The following AVIL variants were observed in gnomAD, a reference collection of about 807,000 sequenced individuals.
AVIL encodes the protein advillin.
In AVIL, 78 loss-of-function variants were observed where a neutral mutation model predicts 109.9. That is an observed-to-expected ratio of 0.71 (90% CI 0.59 to 0.86). The LOEUF is 0.86. Among genes scored for constraint, AVIL ranks in the 40% least tolerant of loss-of-function variants. The probability of loss-of-function intolerance (pLI) is 0.00; values close to 1 mark genes in which losing one functional copy is unlikely to be tolerated. For missense variants in AVIL, 892 were observed against 1,016.5 expected (o/e 0.88, Z 1.67); for synonymous variants, 367 against 379.1 (o/e 0.97, Z 0.37).
chr12:57,797,925 C>T lies in AVIL; in HGVS notation c.2417G>A (p.Gly806Asp). 6.2e-7 allele frequency: 1 copy of T among 1,611,792 alleles called. No individual in the cohort carries two copies. Among genetic ancestry groups the T allele is most frequent in the East Asian group, 2.2e-5 (1 of 44,746 alleles). The part of the protein sequence containing the change: ...ITRGQFAALP[G>D]WKQLQMKKEK... ...TTTCTTCATTTGGAGCTGTTTCCAG[C>T]CAGGCAGAGCTGCAAATTGCCCTCT... The change falls in exon 20 of 20, where the codon GGC becomes GAC. Residue 806 changes from glycine (G) to aspartate (D), a missense_variant. Gly to Asp is a moderately conservative substitution (Grantham distance 94, BLOSUM62 -1). Transcript: ENST00000549994.
chr12:57,811,014 C>A lies in AVIL; in HGVS notation c.447+5G>T. The A allele has an allele frequency of 2.5e-6, 4 of 1,614,214 alleles. No individual in the cohort carries two copies. The highest frequency in any genetic ancestry group is 3.4e-6 in the Non-Finnish European group (4 of 1,180,022). On this transcript the variant is annotated splice_donor_5th_base_variant and intron_variant, in intron 5 of 19. Transcript: ENST00000549994. The stretch of plus-strand genomic sequence containing the variant: ...GGCCTGGGGCAGAGAGTGTGCAGGA[C>A]TAACCTCGGTAGCCCTGATGTTTCT...
chr12:57,814,676 C>A, intron 2 of AVIL: 1 of 164,278 alleles, frequency 6.1e-6, no homozygotes, highest in Non-Finnish European at 1.3e-5. Flanking sequence ...TTCTGTGGGG[C>A]CGTGGGAGGT....
At chr12:57,816,905 C>T (rs1047763576) in intron 1 of AVIL, among the ~76,000 whole-genome samples, 1 of 151,958 alleles carries the variant, frequency 6.6e-6, no homozygotes, top group African/African-American at 2.4e-5. Flanking sequence ...TTTTCCCTCC[C>T]ACACAGACCC....
chr12:57,803,886 G>A (rs2140443293), intron 14 of AVIL: 1 of 483,874 alleles, frequency 2.1e-6, no homozygotes, highest in Middle Eastern at 5.6e-4. Flanking sequence ...AACCCACAGT[G>A]GGTGTTGGCA....
chr12:57,807,330 C>A lies in AVIL; in HGVS notation c.1491+1G>T, dbSNP rs1349957647. The A allele has an allele frequency of 1.9e-6, 3 of 1,614,198 alleles. No individual in the cohort carries two copies. The East Asian group carries it at 6.7e-5, about 36-fold the overall frequency. On this transcript the variant is annotated splice_donor_variant, in intron 13 of 19. Transcript: ENST00000549994. LOFTEE classifies it high-confidence loss of function. The stretch of plus-strand genomic sequence containing the variant: ...GTGTAATTTTATCAGAGCATCCTCA[C>A]CTCAAAGATAACTAGCTTCCCTTTG...
At position 57,814,359 on chromosome 12, in the gene AVIL, A is replaced by T. The variant is rs369742848; in HGVS notation, c.67-133T>A. 129 of 870,642 alleles carry T rather than the reference A, an allele frequency of 1.5e-4. 1 individual carries two copies. In the African/African-American group the frequency reaches 2.1e-3, roughly 14 times the overall value. 53.9% of individuals were successfully genotyped at this position (870,642 alleles called of 1,614,324 possible). A position where few individuals can be genotyped will look rare whatever the true frequency, so the allele number is the denominator to read the frequency against. On this transcript the variant is annotated intron_variant, in intron 2 of 19. Coordinates refer to ENST00000549994, the MANE Select transcript of AVIL (RefSeq NM_006576.4). ...GAGATGTTCTCAATGACCTTACAGG[A>T]TGTGAGGCTGCCAGCCACAGGGTTA...
intron 2 of AVIL, 178 bp downstream of exon 2, chr12:57,815,797 C>G (rs776202822): frequency 1.1e-5 from 17 of 1,485,022 alleles, no homozygotes; most frequent in Non-Finnish European, 1.5e-5. Context: ...CTGCCAACCA[C>G]CTGCTTTGAG....
chr12:57,803,307 T>C lies in AVIL; in HGVS notation c.1902A>G (p.Thr634=). ...GGTTCAGGTCATCCTGGGTGAAGTC[T>C]GTGATCTCAGTGACAACGAATTGGC... ...KTGQFVVTEI[T]DFTQDDLNPT... is the part of the protein sequence containing the mutation. The change falls in exon 16 of 20, where the codon ACA becomes ACG. Residue 634 remains threonine, a synonymous_variant. Transcript: ENST00000549994. The C allele has an allele frequency of 1.9e-6, 3 of 1,614,192 alleles. No homozygotes were observed. The highest frequency in any genetic ancestry group is 2.5e-6 in the Non-Finnish European group (3 of 1,180,024).
intron 1 of AVIL, among the ~76,000 whole-genome samples, chr12:57,818,182 C>CTGTTTTTTTTTTT (rs1956119948): frequency 2.8e-5 from 1 of 35,256 alleles, no homozygotes; most frequent in Admixed American, 5.4e-4. Flanking sequence ...CCATGCTTGG[C>CTGTTTTTTTTTTT]TTTTTTTTTT....
intron 1 of AVIL, among the ~76,000 whole-genome samples, chr12:57,817,433 G>T (rs185573058): frequency 6.6e-6 from 1 of 151,408 alleles, no homozygotes; most frequent in East Asian, 1.9e-4. Flanking sequence ...GCTGTAGCAG[G>T]ACTAAAGCAA....
intron 14 of AVIL, chr12:57,804,102 A>G (rs1955903774): frequency 6.4e-6 from 1 of 155,996 alleles, no homozygotes; most frequent in East Asian, 1.9e-4. Flanking sequence ...GTCCGTCCCA[A>G]AATTATCTGG....
In AVIL at chr12:57,797,972, A is replaced by G. The variant is rs1955769579; in HGVS notation, c.2370T>C (p.Phe790=). Reference sequence around the variant, plus strand: ...CTCTTGTGATGCCAAACACAGACACAAAGTCCTGTTCAGAGAGGTAATTCT... The same window carrying G: ...CTCTTGTGATGCCAAACACAGACACGAAGTCCTGTTCAGAGAGGTAATTCT... The part of the protein sequence containing the change: ...KKENYLSEQD[F]VSVFGITRGQ... The change falls in exon 20 of 20, where the codon TTT becomes TTC. Residue 790 remains phenylalanine, a synonymous_variant. Transcript: ENST00000549994. 1.2e-6 allele frequency: 2 copies of G among 1,612,862 alleles called. No individual in the cohort carries two copies. Among genetic ancestry groups the G allele is most frequent in the East Asian group, 2.2e-5 (1 of 44,822 alleles).
rs774822420 is a variant in AVIL at position 57,810,427 on chromosome 12, C to T, written c.683G>A (p.Gly228Asp). The T allele has an allele frequency of 1.9e-6, 3 of 1,614,086 alleles. No individual in the cohort carries two copies. Among genetic ancestry groups the T allele is most frequent in the Admixed American group, 1.7e-5 (1 of 59,998 alleles). ...ELMKVLQDTL[G>D]RRSIIKPTVP... ...TGTAGGCTTGATAATGGAGCGTCGGCCAAGGGTGTCCTGAAGGACCTTCAT... is the reference window on the plus strand; with the variant it reads ...TGTAGGCTTGATAATGGAGCGTCGGTCAAGGGTGTCCTGAAGGACCTTCAT... Residue 228 changes from glycine to aspartate, a missense_variant, in exon 7 of 20, where the codon GGC becomes GAC. Gly to Asp is a moderately conservative substitution (Grantham distance 94). Transcript: ENST00000549994.
intron 4 of AVIL, among the ~76,000 whole-genome samples, 181 bp downstream of exon 4, chr12:57,813,046 A>G (rs1052331679): frequency 3.9e-5 from 6 of 152,186 alleles, no homozygotes; most frequent in South Asian, 2.1e-4. Flanking sequence ...CTATTTCCCC[A>G]TAGCCTTGCC....
At chr12:57,815,209 C>T (rs1326028514) in intron 2 of AVIL, among the ~76,000 whole-genome samples, 2 of 152,242 alleles carry the variant, frequency 1.3e-5, no homozygotes, top group Non-Finnish European at 2.9e-5. Flanking sequence ...GCCTCAGCCT[C>T]CCAGAGTGCT....
At chr12:57,803,880 C>T (rs535869233) in intron 14 of AVIL, 8 of 513,748 alleles carry the variant, frequency 1.6e-5, no homozygotes, top group Admixed American at 3.9e-5. Flanking sequence ...CTTTGAAACC[C>T]ACAGTGGGTG....
intron 2 of AVIL, chr12:57,815,448 T>G: frequency 1.7e-6 from 1 of 574,992 alleles, no homozygotes; most frequent in Non-Finnish European, 2.5e-6. Context: ...TCCTCGTATC[T>G]GGCAGGTGGA....
rs199694346 is a variant in AVIL at position 57,803,651 on chromosome 12, G to A, written c.1690C>T (p.Arg564Trp). 9.9e-6 allele frequency: 16 copies of A among 1,614,046 alleles called. No homozygotes were observed. The highest frequency in any genetic ancestry group is 7.7e-5 in the South Asian group (7 of 91,078). The change falls in exon 15 of 20, where the codon CGG becomes TGG. Residue 564 changes from arginine to tryptophan, a missense_variant. Physicochemically the swap from Arg to Trp is moderately radical, Grantham distance 101. Coordinates refer to ENST00000549994, the MANE Select transcript of AVIL (RefSeq NM_006576.4). The stretch of plus-strand genomic sequence containing the variant: ...CTGGCCAGCTCCTTAGCCATTGCCC[G>A]CTCATCCCCACTAGACCCCTGAGAG... ...WYGKGSSGDERAMAKELASLL... is the reference protein window; with the variant it reads ...WYGKGSSGDEWAMAKELASLL...
At chr12:57,814,036 A>C in intron 3 of AVIL, 116 bp downstream of exon 3, 1 of 1,075,618 alleles carries the variant, frequency 9.3e-7, no homozygotes, top group Non-Finnish European at 1.4e-6. Context: ...GCACTGAGGA[A>C]CCATTGAGAC....
Sources: gnomAD v4.1 joint callset for allele counts (sites outside exome capture counted in the v4.1 genomes callset) on GRCh38, gnomAD v4.1.1 for gene constraint, MANE v1.5 for transcripts, NCBI Gene and HGNC (gene_info 2026-07-23, HGNC 2026-07-21) for gene names.